Variants in AXIN1 observed in about 807,000 individuals in gnomAD.
AXIN1 encodes axin 1.
A neutral mutation model predicts 76.4 loss-of-function variants in AXIN1; 30 were observed. The ratio of observed to expected loss-of-function variants is 0.39; its 90% CI spans 0.29 to 0.53. The LOEUF (loss-of-function observed/expected upper bound fraction) is 0.53. AXIN1 is among the 20% of genes least tolerant of loss of function. The pLI, the probability that AXIN1 is intolerant of heterozygous loss-of-function variation, is 0.66. For missense variants in AXIN1, 1,140 were observed against 1,198.8 expected, an observed-to-expected ratio of 0.95 and a Z score of 0.72; for synonymous variants, 545 against 501.4, an observed-to-expected ratio of 1.09 and a Z score of -1.16.
Position 289,458 on chromosome 16 carries a change from G to A in AXIN1, c.2444C>T (p.Thr815Ile), listed in dbSNP as rs1168217580. 2.5e-6 allele frequency: 4 copies of A among 1,612,884 alleles called. No homozygotes were observed. Residue 815 changes from threonine (T) to isoleucine (I), a missense_variant, in exon 10 of 11, where the codon ACC becomes ATC. Thr to Ile is a moderately conservative substitution (Grantham distance 89). This residue lies in a region of AXIN1 where 429 missense variants were observed against 405.8 expected (regional missense o/e 1.06). Transcript: ENST00000262320. ...CACTCACCTGTAGCTGCCCTTTTTGGTCAGCAGCTCCTTGAACTGGCCCAG... is the reference window on the plus strand; with the variant it reads ...CACTCACCTGTAGCTGCCCTTTTTGATCAGCAGCTCCTTGAACTGGCCCAG... ...VTLGQFKELL[T>I]KKGSYRYYFK...
chr16:340,030 T>TTTC (rs777740106), intron 2 of AXIN1, among the ~76,000 whole-genome samples: 4 of 151,672 alleles, frequency 2.6e-5, no homozygotes, highest in Non-Finnish European at 4.4e-5. Context: ...GCCCTTTCTT[T>TTTC]TTCTTCTTCT....
intron 2 of AXIN1, among the ~76,000 whole-genome samples, chr16:341,716 TG>T (rs2053926860): frequency 6.6e-6 from 1 of 152,222 alleles, no homozygotes; most frequent in South Asian, 2.1e-4. Context: ...CTGATTCTGG[TG>T]GGGACGTGGA....
intron 2 of AXIN1, among the ~76,000 whole-genome samples, chr16:324,085 C>T (rs2053525470): frequency 6.6e-6 from 1 of 151,322 alleles, no homozygotes; most frequent in Non-Finnish European, 1.5e-5. Context: ...TGCAGGAGAG[C>T]CCTGCAGCCC....
At chr16:329,272 C>CA (rs1176095680) in intron 2 of AXIN1, among the ~76,000 whole-genome samples, 1,183 of 70,926 alleles carry the variant, frequency 0.017, 35 homozygotes, top group African/African-American at 0.034. Context: ...GCGAGACTGT[C>CA]AAAAAAAAAA....
chr16:317,118 C>A (rs1204585428), intron 2 of AXIN1, among the ~76,000 whole-genome samples: 1 of 152,160 alleles, frequency 6.6e-6, no homozygotes, highest in Non-Finnish European at 1.5e-5. Context: ...TGAACAGAAC[C>A]TAGGGAAAGC....
intron 2 of AXIN1, among the ~76,000 whole-genome samples, chr16:317,619 C>A (rs1433938539): frequency 1.3e-5 from 2 of 152,204 alleles, no homozygotes; most frequent in Admixed American, 6.5e-5. Context: ...GAAACACCGA[C>A]CACCGGTGGC....
intron 1 of AXIN1, among the ~76,000 whole-genome samples, chr16:347,891 G>A (rs979270607): frequency 2.0e-5 from 3 of 152,228 alleles, no homozygotes; most frequent in African/African-American, 7.2e-5. Context: ...AAGCCTCTCT[G>A]ATGAGGATTC....
chr16:290,672 A>T (rs766026468), intron 9 of AXIN1: 8 of 243,638 alleles, frequency 3.3e-5, no homozygotes, highest in Non-Finnish European at 6.6e-5. Flanking sequence ...ACATGGTCTG[A>T]GCCCTTTCTC....
Position 298,015 on chromosome 16 carries a change from C to T in AXIN1, c.1491G>A (p.Gly497=), listed in dbSNP as rs768876249. The T allele has an allele frequency of 2.5e-6, 4 of 1,596,732 alleles. No individual in the cohort carries two copies. Among genetic ancestry groups the T allele is most frequent in the Non-Finnish European group, 3.4e-6 (4 of 1,176,998 alleles). The change falls in exon 6 of 11, where the codon GGG becomes GGA. Residue 497 remains glycine (G), a synonymous_variant. Transcript: ENST00000262320. The stretch of plus-strand genomic sequence containing the variant: ...GTGCCACTGGCATCTTGGCCACGTG[C>T]CCACTGTCCGGGGAGCGATGGCCAG... The part of the protein sequence containing the change: ...PGPGHRSPDS[G]HVAKMPVALG...
chr16:289,361 G>A (rs778863551), intron 10 of AXIN1, 79 bp downstream of exon 10: 100 of 1,577,278 alleles, frequency 6.3e-5, no homozygotes, highest in Middle Eastern at 2.1e-4. Flanking sequence ...CACTGTGCCC[G>A]GCTGGAAACC....
chr16:330,323 C>G (rs771552240), intron 2 of AXIN1, among the ~76,000 whole-genome samples: 3 of 152,174 alleles, frequency 2.0e-5, no homozygotes, highest in Non-Finnish European at 4.4e-5. Flanking sequence ...CTTGGCCTCC[C>G]AAAGTGCTGG....
Position 288,121 on chromosome 16 carries a change from ATCAG to A in AXIN1, c.2586_2589del (p.Ter863ArgfsTer74). 3 of 1,613,330 alleles carry A rather than the reference ATCAG, an allele frequency of 1.9e-6. No homozygotes were observed. Among genetic ancestry groups the A allele is most frequent in the Non-Finnish European group, 2.5e-6 (3 of 1,179,992 alleles). On this transcript the variant is annotated frameshift_variant and stop_lost, in exon 11 of 11. Coordinates refer to ENST00000262320, the MANE Select transcript of AXIN1 (RefSeq NM_003502.4). LOFTEE classifies it high-confidence loss of function. ...GGCACAGCGGCCAGCCCACCAGCCTATCAGTCCACCTTCTCCACTTTGCCGATGA... is the reference window on the plus strand; with the variant it reads ...GGCACAGCGGCCAGCCCACCAGCCTATCCACCTTCTCCACTTTGCCGATGA...
intron 5 of AXIN1, among the ~76,000 whole-genome samples, chr16:303,415 CTT>C (rs1272150181): frequency 3.3e-5 from 5 of 150,824 alleles, no homozygotes; most frequent in East Asian, 2.0e-4. Context: ...GAGTTTCACT[CTT>C]GTCATCCAGG....
chr16:299,445 CG>C (rs1269363577), intron 5 of AXIN1, among the ~76,000 whole-genome samples: 2 of 151,770 alleles, frequency 1.3e-5, no homozygotes, highest in African/African-American at 4.8e-5. Context: ...CTCCACCTCC[CG>C]GGCTCAAGCA....
At chr16:321,315 T>TTTCCATACCCAGGCA (rs1382747930) in intron 2 of AXIN1, among the ~76,000 whole-genome samples, 24 of 152,108 alleles carry the variant, frequency 1.6e-4, no homozygotes, top group African/African-American at 3.4e-4. Flanking sequence ...AGGCACCACA[T>TTTCCATACCCAGGCA]GGCACCTGCT....
chr16:333,693 A>C (rs1453220617), intron 2 of AXIN1, among the ~76,000 whole-genome samples: 1 of 139,236 alleles, frequency 7.2e-6, no homozygotes, highest in Admixed American at 6.7e-5. Flanking sequence ...CTCTAAATTT[A>C]TGGGGGGGGT....
chr16:338,815 C>A (rs867021393), intron 2 of AXIN1, among the ~76,000 whole-genome samples: 1 of 151,926 alleles, frequency 6.6e-6, no homozygotes, highest in Non-Finnish European at 1.5e-5. Flanking sequence ...CCCAGCTACT[C>A]GGGAGGCTGA....
chr16:338,171 G>C (rs1352653885), intron 2 of AXIN1, among the ~76,000 whole-genome samples: 1 of 152,222 alleles, frequency 6.6e-6, no homozygotes, highest in Non-Finnish European at 1.5e-5. Flanking sequence ...AATGACGTCT[G>C]CGTTTGACAA....
intron 10 of AXIN1, 135 bp from the exon 11 acceptor site, chr16:288,383 G>T: frequency 7.5e-7 from 1 of 1,325,856 alleles, no homozygotes; most frequent in Non-Finnish European, 1.1e-6. Flanking sequence ...CACTGCATGT[G>T]CGCCCCCTCC....
Sources: allele counts gnomAD v4.1 joint callset (sites outside exome capture counted in the v4.1 genomes callset), GRCh38; gene constraint gnomAD v4.1.1; regional missense constraint gnomAD v4.1.1; transcripts MANE v1.5; gene names NCBI Gene and HGNC (gene_info 2026-07-23, HGNC 2026-07-21).